KIAA1671: variants seen among roughly 807,000 people sequenced by gnomAD.
KIAA1671 encodes uncharacterized protein KIAA1671.
Under a neutral mutation model 131.2 loss-of-function variants are expected in KIAA1671, and 52 were observed. The ratio of observed to expected loss-of-function variants is 0.40; its 90% CI spans 0.32 to 0.50. KIAA1671 has a LOEUF of 0.50. Among genes scored for constraint, KIAA1671 ranks in the 20% least tolerant of loss-of-function variants. The probability of loss-of-function intolerance (pLI) is 0.73; values close to 1 mark genes in which losing one functional copy is unlikely to be tolerated. For missense variants in KIAA1671, 2,360 were observed against 2,364.2 expected (o/e 1.00, Z 0.04); for synonymous variants, 1,003 against 961.6 (o/e 1.04, Z -0.80).
chr22:25,190,623 G>C, intron 11 of KIAA1671, 79 bp from the exon 12 acceptor site: 17 of 1,238,568 alleles, frequency 1.4e-5, no homozygotes, highest in Non-Finnish European at 2.0e-5. Context: ...GGGATAGACA[G>C]TCGGATACCA....
At chr22:25,025,335 A>T (rs950336266) in intron 1 of KIAA1671, among the ~76,000 whole-genome samples, 1 of 152,096 alleles carries the variant, frequency 6.6e-6, no homozygotes, top group Admixed American at 6.6e-5. Context: ...TTTCTTACAG[A>T]AGACTGTGAG....
At chr22:24,997,333 T>A (rs1924190787) in intron 1 of KIAA1671, among the ~76,000 whole-genome samples, 1 of 152,152 alleles carries the variant, frequency 6.6e-6, no homozygotes, top group Non-Finnish European at 1.5e-5. Context: ...CGAGTACTGA[T>A]GTCACTCAGG....
At chr22:24,998,735 A>AG (rs71191012) in intron 1 of KIAA1671, among the ~76,000 whole-genome samples, 1 of 150,906 alleles carries the variant, frequency 6.6e-6, no homozygotes, top group Admixed American at 6.6e-5. Context: ...AAAAAAAAAA[A>AG]GAAATTGCAT....
intron 1 of KIAA1671, among the ~76,000 whole-genome samples, chr22:24,970,069 A>G (rs1295647223): frequency 1.3e-5 from 2 of 152,172 alleles, no homozygotes; most frequent in East Asian, 1.9e-4. Context: ...CCTGATCTTT[A>G]TCACTCCGGG....
At chr22:25,150,650 C>T (rs9624730) in intron 6 of KIAA1671, among the ~76,000 whole-genome samples, 40,400 of 151,850 alleles carry the variant, frequency 0.27, 5,507 homozygotes, top group South Asian at 0.39. Context: ...GGAAATAGAA[C>T]TCGGGCGTAG....
intron 6 of KIAA1671, among the ~76,000 whole-genome samples, chr22:25,074,048 G>C (rs1286262533): frequency 6.6e-6 from 1 of 152,118 alleles, no homozygotes; most frequent in Non-Finnish European, 1.5e-5. Context: ...ATATAAGTGA[G>C]AGCATGTAGT....
At chr22:24,975,657 A>G (rs910831228) in intron 1 of KIAA1671, among the ~76,000 whole-genome samples, 1 of 152,130 alleles carries the variant, frequency 6.6e-6, no homozygotes, top group African/African-American at 2.4e-5. Flanking sequence ...CCATTTTCGT[A>G]GGTCAAGAAT....
At chr22:25,005,295 C>T (rs1924687093) in intron 1 of KIAA1671, among the ~76,000 whole-genome samples, 1 of 149,336 alleles carries the variant, frequency 6.7e-6, no homozygotes, top group South Asian at 2.1e-4. Flanking sequence ...TTGCAGTGAG[C>T]CAAGATGGTG....
At chr22:25,055,627 C>T (rs1171187201) in intron 6 of KIAA1671, 1 of 149,742 alleles carries the variant, frequency 6.7e-6, no homozygotes. Context: ...ATTTTCATTT[C>T]CCTAATGACT....
At chr22:25,189,236 C>G (rs1055100625) in intron 11 of KIAA1671, among the ~76,000 whole-genome samples, 1 of 151,482 alleles carries the variant, frequency 6.6e-6, no homozygotes, top group African/African-American at 2.4e-5. Flanking sequence ...TCACTGCAAC[C>G]TCCGCCTCCT....
At chr22:25,184,300 T>A (rs1469696341) in intron 10 of KIAA1671, among the ~76,000 whole-genome samples, 1 of 152,192 alleles carries the variant, frequency 6.6e-6, no homozygotes, top group African/African-American at 2.4e-5. Context: ...AAAAGAATCA[T>A]ACACACATGG....
chr22:25,077,795 C>T (rs913491925), intron 6 of KIAA1671, among the ~76,000 whole-genome samples: 1 of 152,224 alleles, frequency 6.6e-6, no homozygotes, highest in African/African-American at 2.4e-5. Flanking sequence ...TGGAAAAAAT[C>T]TAAATGTGGT....
intron 1 of KIAA1671, among the ~76,000 whole-genome samples, chr22:24,988,565 TC>T (rs1923673705): frequency 6.6e-6 from 1 of 151,066 alleles, no homozygotes; most frequent in African/African-American, 2.4e-5. Flanking sequence ...TGAAACCCCA[TC>T]TCTACTAAAA....
chr22:25,003,699 A>G (rs976961582), intron 1 of KIAA1671, among the ~76,000 whole-genome samples: 6 of 152,160 alleles, frequency 3.9e-5, no homozygotes, highest in African/African-American at 1.4e-4. Flanking sequence ...GGCGTGAACC[A>G]CTGCGCCCGG....
intron 1 of KIAA1671, among the ~76,000 whole-genome samples, chr22:24,995,774 A>G (rs985869386): frequency 1.3e-5 from 2 of 152,242 alleles, no homozygotes; most frequent in African/African-American, 4.8e-5. Flanking sequence ...TAATCCTCAC[A>G]AAAGCATGTG....
intron 1 of KIAA1671, among the ~76,000 whole-genome samples, chr22:24,968,646 G>T (rs1922432841): frequency 6.6e-6 from 1 of 152,124 alleles, no homozygotes; most frequent in Non-Finnish European, 1.5e-5. Flanking sequence ...ATCTGGGTGG[G>T]TGGTGATGTT....
intron 1 of KIAA1671, among the ~76,000 whole-genome samples, chr22:24,977,855 C>G (rs1273688220): frequency 1.3e-5 from 2 of 152,204 alleles, no homozygotes; most frequent in Non-Finnish European, 2.9e-5. Flanking sequence ...GTCCTTATTC[C>G]ATACTCATAA....
chr22:24,964,269 C>T (rs1392200341), intron 1 of KIAA1671, among the ~76,000 whole-genome samples: 1 of 151,972 alleles, frequency 6.6e-6, no homozygotes, highest in Non-Finnish European at 1.5e-5. Flanking sequence ...GCAGAGGTTG[C>T]AGTGAGCCAA....
At chr22:25,016,957 T>C (rs1324939377) in intron 1 of KIAA1671, among the ~76,000 whole-genome samples, 1 of 152,156 alleles carries the variant, frequency 6.6e-6, no homozygotes, top group Admixed American at 6.6e-5. Context: ...GTGCCCAGAG[T>C]AGCAGCTCAG....
Sources: allele counts gnomAD v4.1 joint callset (sites outside exome capture counted in the v4.1 genomes callset), GRCh38; gene constraint gnomAD v4.1.1; transcripts MANE v1.5; gene names NCBI Gene and HGNC (gene_info 2026-07-23, HGNC 2026-07-21).